HSPBAP1: variants seen among roughly 807,000 people sequenced by gnomAD.
HSPBAP1 encodes HSPB1 associated protein 1.
HSPBAP1 carries 27 observed loss-of-function variants against 45.2 expected under a neutral mutation model. The ratio of observed to expected loss-of-function variants is 0.60; its 90% CI spans 0.44 to 0.82. The LOEUF is 0.82. Among genes scored for constraint, HSPBAP1 ranks in the 40% least tolerant of loss-of-function variants. The pLI is 0.00. For missense variants in HSPBAP1, 510 were observed against 590.9 expected (o/e 0.86, Z 1.42); for synonymous variants, 204 against 202.7 (o/e 1.01, Z -0.06).
rs1271721334 is a variant in HSPBAP1, at chr3:122,747,648, G to A, written c.825+4943C>T. ...AGGGAGGTGGGGGGGTCAGCCCCCCGCCCGGCCAGCCGCCCCGTCCGGGAG... is the reference window on the plus strand; with the variant it reads ...AGGGAGGTGGGGGGGTCAGCCCCCCACCCGGCCAGCCGCCCCGTCCGGGAG... On this transcript the variant is annotated intron_variant, in intron 6 of 7. Transcript: ENST00000306103. 6.9e-5 allele frequency among the ~76,000 whole-genome samples: 10 copies of A among 144,564 alleles called. No homozygotes were observed. The East Asian group carries it at 8.6e-4, about 12-fold the overall frequency. 94.8% of individuals were successfully genotyped at this position (144,564 alleles called of 152,430 possible).
rs1322424654 is a variant in HSPBAP1, at chr3:122,787,968, C to T, written c.64+5649G>A. Among the ~76,000 whole-genome samples the T allele has an allele frequency of 2.6e-5, 4 of 152,098 alleles. No individual in the cohort carries two copies. The East Asian group carries it at 7.7e-4, about 29-fold the overall frequency. ...AGTACAATGACGGCTAACCATAAACCCTTTGAATTTCAAGGTCTAGAAGGT... is the reference window on the plus strand; with the variant it reads ...AGTACAATGACGGCTAACCATAAACTCTTTGAATTTCAAGGTCTAGAAGGT... On this transcript the variant is annotated intron_variant, in intron 1 of 7. Transcript: ENST00000306103.
intron 4 of HSPBAP1, chr3:122,758,953 G>A: frequency 2.3e-6 from 1 of 427,606 alleles, no homozygotes; most frequent in Non-Finnish European, 4.4e-6. Flanking sequence ...CCTGGGAGTG[G>A]AATCTCAGAG....
At chr3:122,780,176 G>A (rs868824787) in intron 1 of HSPBAP1, among the ~76,000 whole-genome samples, 6 of 85,796 alleles carry the variant, frequency 7.0e-5, no homozygotes, top group Middle Eastern at 8.8e-3. Flanking sequence ...GCGGCTGGCC[G>A]GGCGGGGGGC....
intron 6 of HSPBAP1, among the ~76,000 whole-genome samples, chr3:122,746,595 G>A (rs1045289552): frequency 6.6e-6 from 1 of 151,644 alleles, no homozygotes; most frequent in East Asian, 1.9e-4. Flanking sequence ...GATAAAATTA[G>A]ATCTCAGCTC....
chr3:122,769,245 A>C (rs1420144445), intron 2 of HSPBAP1, among the ~76,000 whole-genome samples: 1 of 152,254 alleles, frequency 6.6e-6, no homozygotes, highest in East Asian at 1.9e-4. Context: ...TTTTAACCTT[A>C]AGATTAAAGA....
intron 3 of HSPBAP1, among the ~76,000 whole-genome samples, chr3:122,765,580 C>CA (rs58965358): frequency 0.05 from 2,911 of 58,306 alleles, 96 homozygotes; most frequent in African/African-American, 0.15. Context: ...GACTCTGTCT[C>CA]AAAAAAAAAA....
intron 6 of HSPBAP1, among the ~76,000 whole-genome samples, chr3:122,745,683 A>G (rs1283435661): frequency 1.3e-5 from 2 of 152,228 alleles, no homozygotes; most frequent in Non-Finnish European, 2.9e-5. Context: ...ATTTTACTTA[A>G]TAATAGCCCC....
intron 1 of HSPBAP1, among the ~76,000 whole-genome samples, chr3:122,778,512 CTTTTTTTTTTATTTTTTT>C (rs1935270050): frequency 8.0e-6 from 1 of 124,954 alleles, no homozygotes; most frequent in Non-Finnish European, 1.7e-5. Context: ...TCTAGTATTT[CTTTTTTTTTTATTTTTTT>C]TTTTTTTTTG....
rs764011953 is a variant in HSPBAP1 at position 122,740,663 on chromosome 3, CTCCGGTTTGTCTGT to C, written c.1135_1148del (p.Thr379GlyfsTer8). ...GATCAGGGCCAAAGGGACTTGCTGCCTCCGGTTTGTCTGTTCCTGTGGTCAAGTTCTGGCTACCT... is the reference window on the plus strand; with the variant it reads ...GATCAGGGCCAAAGGGACTTGCTGCCTCCTGTGGTCAAGTTCTGGCTACCT... On this transcript the variant is annotated frameshift_variant, in exon 8 of 8. Transcript: ENST00000306103. LOFTEE classifies it low-confidence loss of function (END_TRUNC). The C allele has an allele frequency of 2.4e-5, 39 of 1,613,912 alleles. No individual in the cohort carries two copies. Among genetic ancestry groups the C allele is most frequent in the Non-Finnish European group, 3.3e-5 (39 of 1,180,040 alleles).
intron 3 of HSPBAP1, among the ~76,000 whole-genome samples, chr3:122,759,803 A>G (rs1042840592): frequency 2.0e-5 from 3 of 152,212 alleles, no homozygotes; most frequent in African/African-American, 4.8e-5. Context: ...CTGAGACACA[A>G]CCGAAGAAGT....
intron 6 of HSPBAP1, among the ~76,000 whole-genome samples, chr3:122,747,523 CT>C (rs1933931579): frequency 6.6e-6 from 1 of 150,380 alleles, no homozygotes; most frequent in Non-Finnish European, 1.5e-5. Flanking sequence ...GCCGCCCCGT[CT>C]CGGAGGGAGG....
intron 1 of HSPBAP1, among the ~76,000 whole-genome samples, chr3:122,780,147 C>G (rs1413707409): frequency 1.8e-5 from 2 of 112,698 alleles, no homozygotes; most frequent in Non-Finnish European, 4.0e-5. Flanking sequence ...CTGACCCCCC[C>G]ACCTCCCTCC....
At position 122,741,048 on chromosome 3, in the gene HSPBAP1, A is replaced by G. The variant is rs773419642; in HGVS notation, c.891T>C (p.Thr297=). ...CTCTGGTATTTTGTGGATTCTCTGC[A>G]GTTTTCAGGGCACACACAAGCATAC... The part of the protein sequence containing the change: ...ITRMLVCALK[T]AENPQNTRAW... The change falls in exon 7 of 8, where the codon ACT becomes ACC. Residue 297 remains threonine, a synonymous_variant. Coordinates refer to ENST00000306103, the MANE Select transcript of HSPBAP1 (RefSeq NM_024610.6). 2 of 1,614,194 alleles carry G rather than the reference A, an allele frequency of 1.2e-6. No homozygotes were observed. The highest frequency in any genetic ancestry group is 3.3e-5 in the Admixed American group (2 of 60,026).
intron 2 of HSPBAP1, among the ~76,000 whole-genome samples, chr3:122,773,303 G>GTTTTTTTTTTTTTTTTTTTTTTTTT (rs36065763): frequency 1.2e-5 from 1 of 84,424 alleles, no homozygotes; most frequent in African/African-American, 4.7e-5. Flanking sequence ...AAATAAATGT[G>GTTTTTTTTTTTTTTTTTTTTTTTTT]TTTTTTTTTT....
chr3:122,741,208 T>C, intron 6 of HSPBAP1, 95 bp from the exon 7 acceptor site: 1 of 922,212 alleles, frequency 1.1e-6, no homozygotes, highest in East Asian at 2.5e-5. Context: ...TGTTCTCTCA[T>C]TAATATAAGC....
intron 1 of HSPBAP1, among the ~76,000 whole-genome samples, chr3:122,781,622 T>C (rs901759696): frequency 6.6e-6 from 1 of 152,116 alleles, no homozygotes; most frequent in African/African-American, 2.4e-5. Flanking sequence ...TGCTCCTCTC[T>C]CTCCCTCCCC....
At chr3:122,783,093 G>A (rs1047219491) in intron 1 of HSPBAP1, among the ~76,000 whole-genome samples, 1 of 152,228 alleles carries the variant, frequency 6.6e-6, no homozygotes, top group African/African-American at 2.4e-5. Context: ...CTCAGGGAGT[G>A]TGTGCAGTGA....
intron 1 of HSPBAP1, among the ~76,000 whole-genome samples, chr3:122,786,693 C>G (rs1935667050): frequency 6.6e-6 from 1 of 152,156 alleles, no homozygotes; most frequent in African/African-American, 2.4e-5. Context: ...GGCCTAGTGA[C>G]TGGTATATAT....
chr3:122,793,787 C>G lies in HSPBAP1; in HGVS notation c.-107G>C. 4.2e-6 allele frequency: 4 copies of G among 949,574 alleles called. No homozygotes were observed. Among genetic ancestry groups the G allele is most frequent in the Non-Finnish European group, 6.4e-6 (4 of 624,164 alleles). The allele number at this position is 949,574 out of a possible 1,614,324, so 58.8% of individuals were successfully genotyped here. A position where few individuals can be genotyped will look rare whatever the true frequency, so the allele number is the denominator to read the frequency against. The stretch of plus-strand genomic sequence containing the variant: ...CCCGAAGCTGCACCACAGGAAGGAG[C>G]CCCGGCGACTCCCGCCCGGCTCCTA... On this transcript the variant is annotated 5_prime_UTR_variant, in exon 1 of 8. Transcript: ENST00000306103.
Sources: gnomAD v4.1 joint callset for allele counts (sites outside exome capture counted in the v4.1 genomes callset) on GRCh38, gnomAD v4.1.1 for gene constraint, MANE v1.5 for transcripts, NCBI Gene and HGNC (gene_info 2026-07-23, HGNC 2026-07-21) for gene names.